The following RTEL1 variants were observed in gnomAD, a reference collection of about 807,000 sequenced individuals.
The protein encoded by RTEL1 is regulator of telomere length.
RTEL1 carries 86 observed loss-of-function variants against 162.2 expected under a neutral mutation model. The observed-to-expected ratio is 0.53, with a 90% CI of 0.45 to 0.63. The LOEUF (loss-of-function observed/expected upper bound fraction) is 0.63. Ranked by LOEUF, RTEL1 falls within the 30% of genes least tolerant of loss-of-function variation. The probability of loss-of-function intolerance (pLI) is 0.00; values close to 1 mark genes in which losing one functional copy is unlikely to be tolerated. For missense variants in RTEL1, 1,941 were observed against 1,750.2 expected, an observed-to-expected ratio of 1.11 and a Z score of -1.95; for synonymous variants, 958 against 717.9, an observed-to-expected ratio of 1.33 and a Z score of -5.35.
rs1568728272 is a variant in RTEL1 at position 63,696,216 on chromosome 20, G to T, written c.*358G>T. 3 of 382,758 alleles carry T rather than the reference G, an allele frequency of 7.8e-6. No individual in the cohort carries two copies. The highest frequency in any genetic ancestry group is 6.2e-5 in the African/African-American group (3 of 48,408). The allele number at this position is 382,758 out of a possible 1,614,324, so 23.7% of individuals were successfully genotyped here. ...TGTCCACTTTTAATCAGGGGACAGG[G>T]CTCTCTAATAAAGCTGCTGGCAGTG... On this transcript the variant is annotated 3_prime_UTR_variant, in exon 35 of 35. Transcript: ENST00000360203.
chr20:63,690,675 A>G lies in RTEL1; in HGVS notation c.2414-130A>G, dbSNP rs191610022. ...CCCCCCGAGGCTGAGACTCCCCCCA[A>G]TAGCAGGGAGGACACCCACAGGCAG... On this transcript the variant is annotated intron_variant, in intron 26 of 34. Coordinates refer to ENST00000360203, the MANE Select transcript of RTEL1 (RefSeq NM_001283009.2). The G allele has an allele frequency of 7.8e-5, 86 of 1,104,416 alleles. No individual in the cohort carries two copies. The African/African-American group carries it at 9.5e-4, about 12-fold the overall frequency. 68.4% of individuals were successfully genotyped at this position (1,104,416 alleles called of 1,614,324 possible). A position where few individuals can be genotyped will look rare whatever the true frequency, so the allele number is the denominator to read the frequency against.
At position 63,690,099 on chromosome 20, in the gene RTEL1, C is replaced by T. The variant is rs149899386; in HGVS notation, c.2154C>T (p.Ala718=). ...VFLCDHRFAF[A]DARAQLPSWV... ...GGCCACCCCCCAGGTTCGCCTTTGC[C>T]GACGCAAGAGCCCAACTGCCCTCCT... Residue 718 remains alanine, a synonymous_variant, in exon 25 of 35, where the codon GCC becomes GCT. Transcript: ENST00000360203. 126 of 1,611,488 alleles carry T rather than the reference C, an allele frequency of 7.8e-5. No homozygotes were observed. The highest frequency in any genetic ancestry group is 1.1e-4 in the East Asian group (5 of 44,874).
At chr20:63,666,261 C>T (rs2090125242) in intron 7 of RTEL1, among the ~76,000 whole-genome samples, 182 bp downstream of exon 7, 1 of 152,226 alleles carries the variant, frequency 6.6e-6, no homozygotes, top group Non-Finnish European at 1.5e-5. Flanking sequence ...AAATTGTCTC[C>T]CTCTTCCCTG....
intron 28 of RTEL1, 140 bp from the exon 29 acceptor site, chr20:63,692,665 C>T (rs1434938611): frequency 2.5e-6 from 2 of 799,462 alleles, no homozygotes; most frequent in Non-Finnish European, 4.0e-6. Context: ...GTCCATCCAG[C>T]CAGCCAGTTT....
At position 63,688,144 on chromosome 20, in the gene RTEL1, C is replaced by G; in HGVS notation, c.1601C>G (p.Ser534Cys). 2 of 1,612,486 alleles carry G rather than the reference C, an allele frequency of 1.2e-6. No homozygotes were observed. The highest frequency in any genetic ancestry group is 1.7e-6 in the Non-Finnish European group (2 of 1,179,956). Reference sequence around the variant, plus strand: ...AGTGGCCTCTCCGGCTCTAGGTTTTCCGAGGAGTGCTTATCCTCCCTGGGG... The same window carrying G: ...AGTGGCCTCTCCGGCTCTAGGTTTTGCGAGGAGTGCTTATCCTCCCTGGGG... ...QLSSAFDRRF[S>C]EECLSSLGKA... The change falls in exon 19 of 35, where the codon TCC (serine) becomes TGC (cysteine). Residue 534 changes from serine to cysteine, a missense_variant. Physicochemically the swap from Ser to Cys is moderately radical, Grantham distance 112 (BLOSUM62 -1). Transcript: ENST00000360203.
intron 27 of RTEL1, 150 bp downstream of exon 27, chr20:63,691,097 T>G (rs753828720): frequency 4.6e-6 from 4 of 873,908 alleles, no homozygotes; most frequent in Non-Finnish European, 6.8e-6. Flanking sequence ...GGATCCCAGC[T>G]GCCTGGCTGT....
chr20:63,670,616 C>T (rs1191265709), intron 8 of RTEL1, among the ~76,000 whole-genome samples: 1 of 152,226 alleles, frequency 6.6e-6, no homozygotes, highest in Non-Finnish European at 1.5e-5. Context: ...TCTCATCCAT[C>T]GCTGTGAAGT....
intron 6 of RTEL1, among the ~76,000 whole-genome samples, chr20:63,663,799 AC>A (rs2090068916): frequency 6.6e-6 from 1 of 152,102 alleles, no homozygotes. Context: ...TTCTGCACTC[AC>A]GTTTGCTGAG....
upstream of RTEL1, chr20:63,658,109 G>C (rs1210611363): frequency 6.6e-6 from 1 of 152,390 alleles, no homozygotes; most frequent in Non-Finnish European, 1.5e-5. Flanking sequence ...CCCTGGTGGG[G>C]GAATGACATC....
At position 63,696,044 on chromosome 20, in the gene RTEL1, G is replaced by C. The variant is rs1286457552; in HGVS notation, c.*186G>C. On this transcript the variant is annotated 3_prime_UTR_variant, in exon 35 of 35. Coordinates refer to ENST00000360203, the MANE Select transcript of RTEL1 (RefSeq NM_001283009.2). ...TGGGACCGGATCTGGGCCTGCCTCT[G>C]AGAAGCCCTGAGCTACCTTGGGGTC... 3 of 609,190 alleles carry C rather than the reference G, an allele frequency of 4.9e-6. No homozygotes were observed. Among genetic ancestry groups the C allele is most frequent in the African/African-American group, 3.7e-5 (2 of 53,736 alleles). 37.7% of individuals were successfully genotyped at this position (609,190 alleles called of 1,614,324 possible). A position where few individuals can be genotyped will look rare whatever the true frequency, so the allele number is the denominator to read the frequency against.
chr20:63,679,132 C>T (rs1042977649), intron 12 of RTEL1, among the ~76,000 whole-genome samples: 7 of 152,304 alleles, frequency 4.6e-5, no homozygotes, highest in Admixed American at 1.3e-4. Flanking sequence ...CAGTCTTCTC[C>T]GCAGCCAGGG....
intron 14 of RTEL1, chr20:63,681,132 C>T: frequency 2.0e-6 from 2 of 985,424 alleles, no homozygotes; most frequent in Non-Finnish European, 2.4e-6. Flanking sequence ...GGGGACCCTG[C>T]AGGTTCCCGG....
In RTEL1 at chr20:63,688,909, G is replaced by A. The variant is rs533550868; in HGVS notation, c.1801-146G>A. 12 of 773,300 alleles carry A rather than the reference G, an allele frequency of 1.6e-5. 1 individual carries two copies. The highest frequency in any genetic ancestry group is 1.1e-4 in the South Asian group (7 of 62,956). The allele number at this position is 773,300 out of a possible 1,614,324, so 47.9% of individuals were successfully genotyped here. A position where few individuals can be genotyped will look rare whatever the true frequency, so the allele number is the denominator to read the frequency against. On this transcript the variant is annotated intron_variant, in intron 21 of 34. Transcript: ENST00000360203. ...CAGGCGTGGGGTCAGCCTGGGATCC[G>A]TGCCAGGAAGAAGCTTCCAGAACCC...
rs1601185758 is a variant in RTEL1, at chr20:63,693,383, GGCCCC to G, written c.2992+104_2992+108del. The G allele has an allele frequency of 4.9e-6, 7 of 1,438,782 alleles. No individual in the cohort carries two copies. The East Asian group carries it at 1.6e-4, about 33-fold the overall frequency. The allele number at this position is 1,438,782 out of a possible 1,614,324, so 89.1% of individuals were successfully genotyped here. On this transcript the variant is annotated intron_variant, in intron 30 of 34. Transcript: ENST00000360203. ...GGGTGGGCATCCTCGGGCCCTGCTT[GGCCCC>G]GCCTCTCTGTTCCCCTATGGGAGTG... is the stretch of plus-strand genomic sequence containing the variant.
chr20:63,681,174 G>T (rs553854752), intron 14 of RTEL1: 3 of 985,412 alleles, frequency 3.0e-6, no homozygotes, highest in Admixed American at 1.2e-4. Flanking sequence ...ATGATTGGGG[G>T]TGCGACCCTG....
intron 10 of RTEL1, among the ~76,000 whole-genome samples, chr20:63,676,730 T>G (rs940098363): frequency 6.6e-6 from 1 of 152,062 alleles, no homozygotes; most frequent in African/African-American, 2.4e-5. Flanking sequence ...GGTCAGAGAT[T>G]GAGACCATCC....
chr20:63,689,077 G>A lies in RTEL1; in HGVS notation c.1823G>A (p.Arg608Lys). 6.2e-7 allele frequency: 1 copy of A among 1,611,026 alleles called. No individual in the cohort carries two copies. The highest frequency in any genetic ancestry group is 1.1e-5 in the South Asian group (1 of 91,082). ...FSETISAYYA[R>K]VAAPGSTGAT... is the part of the protein sequence containing the mutation. ...CAGACCATCAGTGCTTACTATGCAA[G>A]GGTTGCCGCCCCTGGGTCCACCGGC... The change falls in exon 22 of 35, where the codon AGG becomes AAG. Residue 608 changes from arginine to lysine, a missense_variant. Transcript: ENST00000360203.
intron 2 of RTEL1, 114 bp downstream of exon 2, chr20:63,659,618 G>C (rs1432611131): frequency 1.3e-6 from 1 of 788,672 alleles, no homozygotes; most frequent in African/African-American, 1.7e-5. Flanking sequence ...CAGAGGCAGC[G>C]TCTGTCATAA....
intron 24 of RTEL1, 33 bp downstream of exon 24, chr20:63,689,898 G>C (rs1349714561): frequency 1.3e-6 from 2 of 1,581,782 alleles, no homozygotes; most frequent in Non-Finnish European, 1.7e-6. Flanking sequence ...CGCGGCGCCA[G>C]GGGACACGCC....
Sources: gnomAD v4.1 joint callset for allele counts (sites outside exome capture counted in the v4.1 genomes callset) on GRCh38, gnomAD v4.1.1 for gene constraint, MANE v1.5 for transcripts, NCBI Gene and HGNC (gene_info 2026-07-23, HGNC 2026-07-21) for gene names.